The following MRLN variants were observed in gnomAD, a reference collection of about 807,000 sequenced individuals.
The protein encoded by MRLN is Linc-RNA activator of myogenesis.
At chr10:59,753,065 A>T (rs1327317147) in intron 1 of MRLN, among the ~76,000 whole-genome samples, 1 of 152,236 alleles carries the variant, frequency 6.6e-6, no homozygotes, top group Non-Finnish European at 1.5e-5. Context: ...TAGTTTAAAT[A>T]TCGTTAATCC....
At chr10:59,747,353 G>A (rs371639101) in intron 1 of MRLN, among the ~76,000 whole-genome samples, 22 of 152,186 alleles carry the variant, frequency 1.4e-4, no homozygotes, top group Admixed American at 2.6e-4. Flanking sequence ...AGCAAGCTAC[G>A]TTAACTCTGT....
intron 1 of MRLN, among the ~76,000 whole-genome samples, chr10:59,747,755 G>A (rs2132593927): frequency 6.6e-6 from 1 of 152,294 alleles, no homozygotes; most frequent in East Asian, 1.9e-4. Context: ...GAAGGTAGGG[G>A]ACGGCCTTAT....
chr10:59,751,464 C>G (rs185530181), intron 1 of MRLN, among the ~76,000 whole-genome samples: 53 of 151,846 alleles, frequency 3.5e-4, no homozygotes, highest in Non-Finnish European at 5.7e-4. Context: ...AGTTTGAGAC[C>G]AGGCTGGGCA....
intron 1 of MRLN, among the ~76,000 whole-genome samples, chr10:59,748,741 C>T (rs1378377432): frequency 5.9e-5 from 9 of 152,170 alleles, no homozygotes; most frequent in African/African-American, 2.2e-4. Flanking sequence ...GCTACAATTG[C>T]CTCAGCAATT....
intron 1 of MRLN, 30 bp from the exon 2 acceptor site, chr10:59,738,592 T>A (rs1325185910): frequency 6.6e-6 from 1 of 152,184 alleles, no homozygotes; most frequent in Non-Finnish European, 1.5e-5. Flanking sequence ...AAAGTTTTAC[T>A]GGACAGTGAG....
intron 1 of MRLN, among the ~76,000 whole-genome samples, chr10:59,740,340 G>C (rs906196751): frequency 6.6e-6 from 1 of 152,034 alleles, no homozygotes; most frequent in African/African-American, 2.4e-5. Flanking sequence ...TATTATTTTA[G>C]AGTGCACTCC....
intron 1 of MRLN, among the ~76,000 whole-genome samples, chr10:59,750,814 C>G (rs1375251211): frequency 2.0e-5 from 3 of 152,224 alleles, no homozygotes; most frequent in Non-Finnish European, 4.4e-5. Context: ...GCGGTGCCAG[C>G]AGACACTTGT....
At chr10:59,741,872 C>T (rs964107898) in intron 1 of MRLN, among the ~76,000 whole-genome samples, 1 of 151,942 alleles carries the variant, frequency 6.6e-6, no homozygotes, top group African/African-American at 2.4e-5. Context: ...GAGACGGAGT[C>T]CTGCTATGTT....
intron 1 of MRLN, among the ~76,000 whole-genome samples, chr10:59,742,979 C>T (rs1249306917): frequency 6.6e-6 from 1 of 152,146 alleles, no homozygotes; most frequent in Non-Finnish European, 1.5e-5. Flanking sequence ...ATCCTCCTGC[C>T]TCAGCCTCCC....
At chr10:59,739,158 TAA>T (rs892507243) in intron 1 of MRLN, 4 of 151,872 alleles carry the variant, frequency 2.6e-5, no homozygotes, top group Non-Finnish European at 5.9e-5. Flanking sequence ...AATAATTCCC[TAA>T]AAATTGTCTG....
At chr10:59,742,012 G>A (rs1840988984) in intron 1 of MRLN, among the ~76,000 whole-genome samples, 1 of 152,092 alleles carries the variant, frequency 6.6e-6, no homozygotes, top group Non-Finnish European at 1.5e-5. Flanking sequence ...AAGCACTGGG[G>A]AGCCACTGCA....
intron 1 of MRLN, among the ~76,000 whole-genome samples, chr10:59,745,467 A>G (rs1223307967): frequency 1.3e-5 from 2 of 149,172 alleles, no homozygotes; most frequent in Non-Finnish European, 2.9e-5. Context: ...TTGAAACTTC[A>G]GATGACGGCA....
At position 59,742,836 on chromosome 10, in the gene MRLN, C is replaced by T. The variant is rs143420148; in HGVS notation, c.-124-4274G>A. On this transcript the variant is annotated intron_variant, in intron 1 of 2. Transcript: ENST00000414264. ...CTTGAACTCCTGGACTCAAGCAATC[C>T]TCCCACCTCAGCCTCATGAGTAGCT... is the stretch of plus-strand genomic sequence containing the variant. Among the ~76,000 whole-genome samples the T allele has an allele frequency of 2.0e-5, 3 of 152,164 alleles. No individual in the cohort carries two copies. In the East Asian group the frequency reaches 5.8e-4, roughly 30 times the overall value.
chr10:59,739,292 A>G (rs921237952), intron 1 of MRLN: 1 of 152,100 alleles, frequency 6.6e-6, no homozygotes, highest in African/African-American at 2.4e-5. Context: ...ATCCCTCAGT[A>G]CCCATGAGGG....
intron 1 of MRLN, among the ~76,000 whole-genome samples, chr10:59,748,627 A>G (rs1841066290): frequency 6.6e-6 from 1 of 152,248 alleles, no homozygotes; most frequent in South Asian, 2.1e-4. Context: ...ATGTTGGTAT[A>G]GAAAAGATAT....
At chr10:59,742,978 C>T (rs1030414226) in intron 1 of MRLN, among the ~76,000 whole-genome samples, 2 of 152,152 alleles carry the variant, frequency 1.3e-5, no homozygotes. Context: ...GATCCTCCTG[C>T]CTCAGCCTCC....
intron 1 of MRLN, among the ~76,000 whole-genome samples, chr10:59,740,047 C>T (rs892925850): frequency 6.0e-5 from 9 of 150,928 alleles, no homozygotes; most frequent in Non-Finnish European, 7.4e-5. Context: ...GCTGAGATCG[C>T]GCCACTGCAC....
intron 1 of MRLN, among the ~76,000 whole-genome samples, chr10:59,742,820 C>T (rs547701031): frequency 1.5e-4 from 23 of 152,062 alleles, no homozygotes; most frequent in African/African-American, 4.8e-4. Flanking sequence ...CCTTGAACTC[C>T]TGGACTCAAG....
chr10:59,748,300 G>T (rs564299784), intron 1 of MRLN, among the ~76,000 whole-genome samples: 1 of 152,058 alleles, frequency 6.6e-6, no homozygotes, highest in Non-Finnish European at 1.5e-5. Context: ...TGGATTTTTT[G>T]TGTTCTGTAA....
Sources: gnomAD v4.1 joint callset for allele counts (sites outside exome capture counted in the v4.1 genomes callset) on GRCh38, gnomAD v4.1.1 for gene constraint, MANE v1.5 for transcripts, NCBI Gene and HGNC (gene_info 2026-07-23, HGNC 2026-07-21) for gene names.